The following PPFIBP1 variants were observed in gnomAD, a reference collection of about 807,000 sequenced individuals.
PPFIBP1 encodes PPFIB scaffold protein 1, also known as liprin-beta-1.
Under a neutral mutation model 137.8 loss-of-function variants are expected in PPFIBP1, and 112 were observed. That is an observed-to-expected ratio of 0.81 (90% CI 0.70 to 0.95). The LOEUF (loss-of-function observed/expected upper bound fraction) is 0.95, where lower values mean the gene tolerates loss of function less well. Ranked by LOEUF, PPFIBP1 falls within the 40% of genes least tolerant of loss-of-function variation. The pLI is 0.00. For synonymous variants in PPFIBP1, 378 were observed against 417.3 expected (o/e 0.91, Z 1.15); for missense variants, 1,083 against 1,196.6 (o/e 0.91, Z 1.40).
In PPFIBP1 at chr12:27,625,290, C is replaced by T. The variant is rs1382392896; in HGVS notation, c.-35-8072C>T. Reference sequence around the variant, plus strand: ...ATGGATAGAATAGTATAGTGTACCCCTACATACCACCACCCATTTTCAACA... The same window carrying T: ...ATGGATAGAATAGTATAGTGTACCCTTACATACCACCACCCATTTTCAACA... On this transcript the variant is annotated intron_variant, in intron 2 of 29. Coordinates refer to ENST00000228425, the MANE Select transcript of PPFIBP1 (RefSeq NM_003622.4). 2.0e-5 allele frequency among the ~76,000 whole-genome samples: 3 copies of T among 152,250 alleles called. No homozygotes were observed. The East Asian group carries it at 5.8e-4, about 29-fold the overall frequency.
chr12:27,658,800 G>A lies in PPFIBP1; in HGVS notation c.812-16G>A, dbSNP rs762165190. ...AATGTATGCTAACTTCCAATCCAAT[G>A]GGTTTTCCTGCACAGATGAAAATTT... is the stretch of plus-strand genomic sequence containing the variant. On this transcript the variant is annotated splice_polypyrimidine_tract_variant and intron_variant, in intron 9 of 29. Coordinates refer to ENST00000228425, the MANE Select transcript of PPFIBP1 (RefSeq NM_003622.4). 2 of 1,608,938 alleles carry A rather than the reference G, an allele frequency of 1.2e-6. No individual in the cohort carries two copies. The highest frequency in any genetic ancestry group is 1.1e-5 in the South Asian group (1 of 90,738).
intron 2 of PPFIBP1, among the ~76,000 whole-genome samples, chr12:27,586,971 T>A (rs549265080): frequency 7.9e-5 from 12 of 152,316 alleles, no homozygotes; most frequent in African/African-American, 1.2e-4. Flanking sequence ...CTTGCAAAAA[T>A]TTCAAACGGC....
In PPFIBP1 at chr12:27,695,535, AG is replaced by A. The variant is rs1472179465; in HGVS notation, c.*2655del. On this transcript the variant is annotated 3_prime_UTR_variant, in exon 30 of 30. Coordinates refer to ENST00000228425, the MANE Select transcript of PPFIBP1 (RefSeq NM_003622.4). The stretch of plus-strand genomic sequence containing the variant: ...TACACTGCTGGTGTTACCATATGAA[AG>A]GAAATAAAGTCAATTGATAATTGCC... 1.4e-4 allele frequency: 22 copies of A among 152,252 alleles called. No homozygotes were observed. Among genetic ancestry groups the A allele is most frequent in the African/African-American group, 5.1e-4 (21 of 41,464 alleles). The allele number at this position is 152,252 out of a possible 1,614,324, so 9.4% of individuals were successfully genotyped here. A position where few individuals can be genotyped will look rare whatever the true frequency, so the allele number is the denominator to read the frequency against.
At chr12:27,595,073 A>G (rs1250543056) in intron 2 of PPFIBP1, among the ~76,000 whole-genome samples, 1 of 152,206 alleles carries the variant, frequency 6.6e-6, no homozygotes, top group Non-Finnish European at 1.5e-5. Context: ...AATGGACCAA[A>G]CATCACAAAT....
chr12:27,615,806 A>C (rs1368707383), intron 2 of PPFIBP1, among the ~76,000 whole-genome samples: 1 of 152,056 alleles, frequency 6.6e-6, no homozygotes, highest in Non-Finnish European at 1.5e-5. Flanking sequence ...GACCAGCCAC[A>C]CTCCAATCCC....
chr12:27,555,744 T>G (rs2048655833), intron 1 of PPFIBP1, among the ~76,000 whole-genome samples: 1 of 152,230 alleles, frequency 6.6e-6, no homozygotes, highest in African/African-American at 2.4e-5. Context: ...TCAAATCCTT[T>G]TAAGAAATAT....
rs145254219 is a variant in PPFIBP1 at position 27,603,685 on chromosome 12, C to T, written c.-36+25446C>T. On this transcript the variant is annotated intron_variant, in intron 2 of 29. Coordinates refer to ENST00000228425, the MANE Select transcript of PPFIBP1 (RefSeq NM_003622.4). ...GGAACCACCAGAGTTAGCATCCTTT[C>T]GCAATGTTTCAATTGCATGAGAGCC... 8.9e-4 allele frequency among the ~76,000 whole-genome samples: 136 copies of T among 152,252 alleles called. 1 individual carries two copies. Among genetic ancestry groups the T allele is most frequent in the Non-Finnish European group, 1.4e-3 (94 of 68,026 alleles).
In PPFIBP1 at chr12:27,688,998, T is replaced by C. The variant is rs1423114715; in HGVS notation, c.2497-17T>C. ...TGTGGTGACTTTTGACAAGCTTTTTTTTTTTTCTTTAAACAGGTTCTAGAG... is the reference window on the plus strand; with the variant it reads ...TGTGGTGACTTTTGACAAGCTTTTTCTTTTTTCTTTAAACAGGTTCTAGAG... On this transcript the variant is annotated splice_polypyrimidine_tract_variant and intron_variant, in intron 26 of 29. Transcript: ENST00000228425. The C allele has an allele frequency of 1.9e-6, 3 of 1,590,914 alleles. No homozygotes were observed. The highest frequency in any genetic ancestry group is 1.4e-5 in the African/African-American group (1 of 73,044).
intron 2 of PPFIBP1, among the ~76,000 whole-genome samples, chr12:27,593,081 G>A (rs544306398): frequency 6.6e-4 from 87 of 132,114 alleles, no homozygotes; most frequent in African/African-American, 2.4e-3. Context: ...GCAGTGAGCC[G>A]AGATCACACC....
chr12:27,531,421 G>T (rs183168844), intron 1 of PPFIBP1, among the ~76,000 whole-genome samples: 13 of 151,880 alleles, frequency 8.6e-5, no homozygotes, highest in African/African-American at 7.3e-5. Context: ...GCCTCCCAGG[G>T]AGCTGGGATT....
At chr12:27,593,175 A>C (rs1436608896) in intron 2 of PPFIBP1, among the ~76,000 whole-genome samples, 1 of 149,972 alleles carries the variant, frequency 6.7e-6, no homozygotes, top group Non-Finnish European at 1.5e-5. Context: ...GCAAAGCTTC[A>C]ATGTAGATAC....
chr12:27,688,675 A>T (rs990597058), intron 26 of PPFIBP1, among the ~76,000 whole-genome samples: 5 of 152,098 alleles, frequency 3.3e-5, no homozygotes, highest in African/African-American at 1.2e-4. Context: ...TCATATGATC[A>T]TGTTTGAAAA....
At chr12:27,540,319 T>A (rs1486740504) in intron 1 of PPFIBP1, among the ~76,000 whole-genome samples, 1 of 150,920 alleles carries the variant, frequency 6.6e-6, no homozygotes, top group Non-Finnish European at 1.5e-5. Context: ...AACAAGATAA[T>A]GAATGCAAAG....
intron 2 of PPFIBP1, among the ~76,000 whole-genome samples, chr12:27,614,345 C>T (rs555150544): frequency 1.3e-5 from 2 of 152,030 alleles, no homozygotes; most frequent in South Asian, 2.1e-4. Context: ...ATTGGGCCAC[C>T]GCACTCCAGC....
chr12:27,577,971 G>A (rs1023876609), intron 1 of PPFIBP1, among the ~76,000 whole-genome samples, 181 bp from the exon 2 acceptor site: 5 of 152,104 alleles, frequency 3.3e-5, no homozygotes, highest in Non-Finnish European at 7.3e-5. Context: ...CGGGGAAGAA[G>A]GAAGAAGGAG....
In PPFIBP1 at chr12:27,679,583, G is replaced by T; in HGVS notation, c.1710G>T (p.Pro570=). The part of the protein sequence containing the change: ...DSQRNSPFQI[P]PPSPDSKKKS... ...AGAGGAACAGTCCCTTCCAGATACC[G>T]CCTCCATCTCCAGATTCCAAAAAGA... The change falls in exon 20 of 30, where the codon CCG becomes CCT. Residue 570 remains proline (P), a synonymous_variant. Transcript: ENST00000228425. 1.2e-6 allele frequency: 2 copies of T among 1,613,776 alleles called. No individual in the cohort carries two copies. The highest frequency in any genetic ancestry group is 2.2e-5 in the South Asian group (2 of 91,070).
intron 1 of PPFIBP1, among the ~76,000 whole-genome samples, chr12:27,557,156 T>C (rs1008731068): frequency 6.6e-6 from 1 of 152,100 alleles, no homozygotes; most frequent in African/African-American, 2.4e-5. Flanking sequence ...ATTTTGAAAT[T>C]AGTGAAGAAC....
rs148964253 is a variant in PPFIBP1, at chr12:27,593,368, C to T, written c.-36+15129C>T. 8.6e-3 allele frequency: 3,848 copies of T among 448,922 alleles called. 23 individuals carry two copies. Among genetic ancestry groups the T allele is most frequent in the Middle Eastern group, 0.016 (22 of 1,408 alleles). 27.8% of individuals were successfully genotyped at this position (448,922 alleles called of 1,614,324 possible). ...TCTGTGGTTCAACCCAGGCCTATCC[C>T]TTCCTATCCTATGAGGCATCTCTGT... On this transcript the variant is annotated intron_variant, in intron 2 of 29. Transcript: ENST00000228425.
chr12:27,619,423 A>T (rs1479255342), intron 2 of PPFIBP1, among the ~76,000 whole-genome samples: 2 of 152,302 alleles, frequency 1.3e-5, no homozygotes, highest in East Asian at 3.9e-4. Context: ...AGTTCTTTGA[A>T]TCCACTGATG....
Sources: allele counts gnomAD v4.1 joint callset (sites outside exome capture counted in the v4.1 genomes callset), GRCh38; gene constraint gnomAD v4.1.1; transcripts MANE v1.5; gene names NCBI Gene and HGNC (gene_info 2026-07-23, HGNC 2026-07-21).